ADSL: variants seen among roughly 807,000 people sequenced by gnomAD.
ADSL encodes the protein adenylosuccinase.
In ADSL, 44 loss-of-function variants were observed where a neutral mutation model predicts 62.1. The ratio of observed to expected loss-of-function variants is 0.71; its 90% confidence interval spans 0.56 to 0.91. The LOEUF (loss-of-function observed/expected upper bound fraction) is 0.91. Among genes scored for constraint, ADSL ranks in the 40% least tolerant of loss-of-function variants. ADSL has a pLI of 0.00. For synonymous variants in ADSL, 198 were observed against 220.5 expected (o/e 0.90, Z 0.90); for missense variants, 531 against 627.4 (o/e 0.85, Z 1.64).
At chr22:40,361,994 G>C (rs1414382070) in intron 9 of ADSL, among the ~76,000 whole-genome samples, 1 of 152,220 alleles carries the variant, frequency 6.6e-6, no homozygotes, top group Non-Finnish European at 1.5e-5. Context: ...TACTTGAGTA[G>C]CCCTGGGGAA....
chr22:40,354,447 A>T, intron 4 of ADSL, 120 bp downstream of exon 4: 1 of 838,424 alleles, frequency 1.2e-6, no homozygotes, highest in Non-Finnish European at 2.1e-6. Flanking sequence ...AATATAAGTA[A>T]TTTGGGATGC....
At position 40,364,265 on chromosome 22, in the gene ADSL, T is replaced by A. The variant is rs1235320903; in HGVS notation, c.1102-11T>A. The A allele has an allele frequency of 6.2e-7, 1 of 1,612,900 alleles. No homozygotes were observed. The highest frequency in any genetic ancestry group is 1.3e-5 in the African/African-American group (1 of 74,906). Reference sequence around the variant, plus strand: ...ACCTTTCTTGGTCATTCACCGTATCTTTTCCTATAGGTAATTGAACGGCGC... The same window carrying A: ...ACCTTTCTTGGTCATTCACCGTATCATTTCCTATAGGTAATTGAACGGCGC... On this transcript the variant is annotated splice_polypyrimidine_tract_variant and intron_variant, in intron 10 of 12. Transcript: ENST00000623063.
chr22:40,376,709 AT>A (rs909002467), intron 2 of ADSL, among the ~76,000 whole-genome samples: 2 of 138,726 alleles, frequency 1.4e-5, no homozygotes, highest in Non-Finnish European at 3.1e-5. Context: ...TTTGCTAAAG[AT>A]TGGTGGAGTC....
At chr22:40,373,435 A>G (rs1329756193), downstream of ADSL, 1 of 152,170 alleles carries the variant, frequency 6.6e-6, no homozygotes, top group Non-Finnish European at 1.5e-5. Flanking sequence ...ACTCTGTTGA[A>G]ACTACTCTCA....
At chr22:40,372,123 T>TC (rs2045666665), downstream of ADSL, among the ~76,000 whole-genome samples, 1 of 31,350 alleles carries the variant, frequency 3.2e-5, no homozygotes, top group Non-Finnish European at 5.7e-5. Flanking sequence ...CCCCCCCCCC[T>TC]TTTTTTTTTT....
chr22:40,375,660 C>G (rs912337150), intron 2 of ADSL, among the ~76,000 whole-genome samples: 11 of 140,794 alleles, frequency 7.8e-5, no homozygotes, highest in Non-Finnish European at 3.2e-5. Flanking sequence ...CCAATTAAGA[C>G]AGAGAATTTT....
chr22:40,374,110 G>T (rs1014012073), downstream of ADSL, among the ~76,000 whole-genome samples: 1 of 151,770 alleles, frequency 6.6e-6, no homozygotes, highest in Non-Finnish European at 1.5e-5. Flanking sequence ...CTGCCACCAT[G>T]CCCGGCTAAT....
intron 2 of ADSL, among the ~76,000 whole-genome samples, chr22:40,351,452 G>A (rs1466164781): frequency 1.3e-5 from 2 of 152,084 alleles, no homozygotes; most frequent in Non-Finnish European, 2.9e-5. Context: ...GATTACAGGC[G>A]TTAGCCACCA....
chr22:40,346,586 C>T lies in ADSL; in HGVS notation c.28C>T (p.Pro10Ser), dbSNP rs768340455. The T allele has an allele frequency of 1.9e-6, 3 of 1,606,134 alleles. No homozygotes were observed. Among genetic ancestry groups the T allele is most frequent in the African/African-American group, 1.3e-5 (1 of 74,846 alleles). MAAGGDHGS[P>S]DSYRSPLASR... is the part of the protein sequence containing the mutation. ...GGCGGCTGGAGGCGATCATGGTTCGCCCGACAGCTACCGCTCACCTCTTGC... is the reference window on the plus strand; with the variant it reads ...GGCGGCTGGAGGCGATCATGGTTCGTCCGACAGCTACCGCTCACCTCTTGC... Residue 10 changes from proline (P) to serine (S), a missense_variant, in exon 1 of 13, where the codon CCC (proline) becomes TCC (serine). Pro to Ser is a moderately conservative substitution (Grantham distance 74). Transcript: ENST00000623063.
intron 6 of ADSL, 97 bp downstream of exon 6, chr22:40,359,403 C>A: frequency 1.7e-6 from 2 of 1,175,376 alleles, no homozygotes; most frequent in African/African-American, 1.6e-5. Context: ...TTGCCTTTTT[C>A]TTCCTTTGTT....
chr22:40,346,806 A>C, intron 1 of ADSL, 95 bp downstream of exon 1: 1 of 1,332,982 alleles, frequency 7.5e-7, no homozygotes, highest in South Asian at 1.3e-5. Context: ...GCCACCCCGG[A>C]GCTGCGGCCC....
At position 40,369,176 on chromosome 22, in the gene ADSL, C is replaced by T. The variant is rs2045106253; in HGVS notation, c.*2654C>T. On this transcript the variant is annotated 3_prime_UTR_variant, in exon 13 of 13. Coordinates refer to ENST00000623063, the MANE Select transcript of ADSL (RefSeq NM_000026.4). The stretch of plus-strand genomic sequence containing the variant: ...AGGAAATAACAGTCTTGTTCCTGTC[C>T]TAACAATTCTGTTAGACTAATGATC... 6.6e-6 allele frequency: 1 copy of T among 152,096 alleles called. No individual in the cohort carries two copies. Among genetic ancestry groups the T allele is most frequent in the Admixed American group, 6.5e-5 (1 of 15,272 alleles). 9.4% of individuals were successfully genotyped at this position (152,096 alleles called of 1,614,324 possible).
At position 40,361,498 on chromosome 22, in the gene ADSL, G is replaced by A. The variant is rs765122847; in HGVS notation, c.873G>A (p.Ala291=). ...PFEKQQIGSS[A]MPYKRNPMRS... ...TTTTTACATGGGCAGGCTCAAGTGC[G>A]ATGCCATATAAGCGGAATCCCATGC... Residue 291 remains alanine, a synonymous_variant, in exon 9 of 13, where the codon GCG becomes GCA. Coordinates refer to ENST00000623063, the MANE Select transcript of ADSL (RefSeq NM_000026.4). 21 of 1,614,184 alleles carry A rather than the reference G, an allele frequency of 1.3e-5. No individual in the cohort carries two copies. Among genetic ancestry groups the A allele is most frequent in the Admixed American group, 3.3e-5 (2 of 60,026 alleles).
chr22:40,358,470 G>A (rs1348553350), intron 4 of ADSL, among the ~76,000 whole-genome samples: 1 of 152,146 alleles, frequency 6.6e-6, no homozygotes, highest in Non-Finnish European at 1.5e-5. Context: ...TGTGGTCCCA[G>A]CTACATGGAA....
At chr22:40,371,373 C>G (rs2045435798), downstream of ADSL, among the ~76,000 whole-genome samples, 1 of 152,170 alleles carries the variant, frequency 6.6e-6, no homozygotes, top group South Asian at 2.1e-4. Context: ...TCCAGTCTCA[C>G]GCTGCACGTT....
chr22:40,380,183 A>G (rs193142315), intron 2 of ADSL, among the ~76,000 whole-genome samples: 5 of 152,230 alleles, frequency 3.3e-5, no homozygotes, highest in Admixed American at 3.3e-4. Flanking sequence ...AGTGCTGGAA[A>G]TGTTCTTGTA....
intron 2 of ADSL, chr22:40,387,210 C>G (rs749964052): frequency 5.8e-5 from 23 of 398,396 alleles, no homozygotes; most frequent in Non-Finnish European, 9.3e-5. Flanking sequence ...ATTTTTCCTT[C>G]TTTCATAGGT....
In ADSL at chr22:40,361,336, CA is replaced by C; in HGVS notation, c.857del (p.Gln286ArgfsTer26). On this transcript the variant is annotated frameshift_variant, in exon 8 of 13. Coordinates refer to ENST00000623063, the MANE Select transcript of ADSL (RefSeq NM_000026.4). LOFTEE classifies it high-confidence loss of function. ...KEMEEPFEKQ[Q>X]IGSSAMPYKR... ...GATGGAGGAACCCTTTGAAAAACAG[CA>C]GATTGGTGAGTGCTGTGTAGAGACC... The C allele has an allele frequency of 3.7e-6, 6 of 1,614,166 alleles. No individual in the cohort carries two copies. Among genetic ancestry groups the C allele is most frequent in the Non-Finnish European group, 5.1e-6 (6 of 1,180,010 alleles).
chr22:40,371,019 C>T (rs1234477116), downstream of ADSL, among the ~76,000 whole-genome samples: 1 of 152,214 alleles, frequency 6.6e-6, no homozygotes, highest in African/African-American at 2.4e-5. Context: ...ACGAAAACCG[C>T]GCCTGAGGCG....
Sources: allele counts gnomAD v4.1 joint callset (sites outside exome capture counted in the v4.1 genomes callset), GRCh38; gene constraint gnomAD v4.1.1; transcripts MANE v1.5; gene names NCBI Gene and HGNC (gene_info 2026-07-23, HGNC 2026-07-21).